Variants in ATP2B4 observed in about 807,000 individuals in gnomAD.
ATP2B4 encodes ATPase plasma membrane Ca2+ transporting 4, also known as plasma membrane calcium-transporting ATPase 4.
A neutral mutation model predicts 110.3 loss-of-function variants in ATP2B4; 39 were observed. The ratio of observed to expected loss-of-function variants is 0.35; its 90% CI spans 0.27 to 0.46. ATP2B4 has a LOEUF of 0.46. Ranked by LOEUF, ATP2B4 falls within the 20% of genes least tolerant of loss-of-function variation. The pLI is 1.00. For missense variants in ATP2B4, 1,135 were observed against 1,530.9 expected, an observed-to-expected ratio of 0.74 and a Z score of 4.32; for synonymous variants, 538 against 571.7, an observed-to-expected ratio of 0.94 and a Z score of 0.84.
At chr1:203,633,911 G>C (rs1404097440) in intron 1 of ATP2B4, among the ~76,000 whole-genome samples, 1 of 151,948 alleles carries the variant, frequency 6.6e-6, no homozygotes, top group Non-Finnish European at 1.5e-5. Context: ...TTAGCCGGGC[G>C]TGGTAGTGCA....
chr1:203,743,029 C>T lies in ATP2B4; in HGVS notation c.*3175C>T, dbSNP rs1022225392. The T allele has an allele frequency of 6.6e-6, 1 of 152,658 alleles. No homozygotes were observed. The allele number at this position is 152,658 out of a possible 1,614,324, so 9.5% of individuals were successfully genotyped here. On this transcript the variant is annotated 3_prime_UTR_variant, in exon 21 of 21. Coordinates refer to ENST00000357681, the MANE Select transcript of ATP2B4 (RefSeq NM_001684.5). ...ATCATCTGTCCTCTGGAATGACTCTCCTGTCCCTAAAGGGGTTAAGAGAGA... is the reference window on the plus strand; with the variant it reads ...ATCATCTGTCCTCTGGAATGACTCTTCTGTCCCTAAAGGGGTTAAGAGAGA...
intron 1 of ATP2B4, among the ~76,000 whole-genome samples, chr1:203,651,518 G>A (rs571863304): frequency 3.9e-5 from 6 of 152,242 alleles, no homozygotes; most frequent in East Asian, 1.9e-4. Context: ...GTCTTGGGCT[G>A]TAATGTTGTA....
intron 1 of ATP2B4, among the ~76,000 whole-genome samples, chr1:203,672,345 T>C (rs1311735306): frequency 9.8e-6 from 1 of 102,136 alleles, no homozygotes; most frequent in Non-Finnish European, 2.4e-5. Context: ...TTTTTTTTTT[T>C]TTTTTTTTTT....
rs775603353 is a variant in ATP2B4, at chr1:203,729,624, T to C, written c.3309+2053T>C. The C allele has an allele frequency of 3.4e-6, 3 of 876,056 alleles. No homozygotes were observed. In the South Asian group the frequency reaches 3.9e-5, roughly 11 times the overall value. The allele number at this position is 876,056 out of a possible 1,614,324, so 54.3% of individuals were successfully genotyped here. A position where few individuals can be genotyped will look rare whatever the true frequency, so the allele number is the denominator to read the frequency against. ...TGACTGTACTTCCAGGCAGGTGCTT[T>C]TTCTGTCTGCCAGAGAAACATTCCA... On this transcript the variant is annotated intron_variant, in intron 20 of 20. Coordinates refer to ENST00000357681, the MANE Select transcript of ATP2B4 (RefSeq NM_001684.5).
Position 203,709,842 on chromosome 1 carries a change from C to T in ATP2B4, c.1799+300C>T, listed in dbSNP as rs74137882. On this transcript the variant is annotated intron_variant, in intron 11 of 20. Transcript: ENST00000357681. ...CTCAAGGTGATACAGCTAATAGTGG[C>T]ACAGCCAGGATTCAGACCTGGACGA... 6.6e-3 allele frequency among the ~76,000 whole-genome samples: 999 copies of T among 152,306 alleles called. 14 individuals carry two copies. Among genetic ancestry groups the T allele is most frequent in the African/African-American group, 0.02 (813 of 41,562 alleles).
chr1:203,691,693 G>C (rs1665380000), intron 2 of ATP2B4, among the ~76,000 whole-genome samples: 2 of 152,094 alleles, frequency 1.3e-5, no homozygotes, highest in South Asian at 4.1e-4. Context: ...AGCAGATAGG[G>C]AGCAAATCTC....
rs567097229 is a variant in ATP2B4, at chr1:203,631,833, C to T, written c.-465+4614C>T. On this transcript the variant is annotated intron_variant, in intron 1 of 20. Transcript: ENST00000357681. Reference sequence around the variant, plus strand: ...TTTTTGAGACAGAGTCTCGCTCTGTCGCCCAGGCTGGAGTGCAGCGGCGCG... The same window carrying T: ...TTTTTGAGACAGAGTCTCGCTCTGTTGCCCAGGCTGGAGTGCAGCGGCGCG... 6.5e-4 allele frequency among the ~76,000 whole-genome samples: 99 copies of T among 152,026 alleles called. 2 individuals are homozygous for T. Among genetic ancestry groups the T allele is most frequent in the South Asian group, 6.2e-4 (3 of 4,814 alleles).
intron 6 of ATP2B4, among the ~76,000 whole-genome samples, chr1:203,701,823 C>T (rs970671713): frequency 2.0e-5 from 3 of 152,208 alleles, no homozygotes; most frequent in African/African-American, 4.8e-5. Context: ...AGTATGCACT[C>T]ACCTACATGA....
chr1:203,711,840 G>A (rs994478765), intron 12 of ATP2B4, 120 bp from the exon 13 acceptor site: 2 of 1,140,894 alleles, frequency 1.8e-6, no homozygotes, highest in Non-Finnish European at 2.5e-6. Context: ...AGCCCATGCT[G>A]CATGGCACCA....
chr1:203,733,400 A>C, intron 20 of ATP2B4: 1 of 1,612,192 alleles, frequency 6.2e-7, no homozygotes, highest in South Asian at 1.1e-5. Flanking sequence ...TCCTATGGGC[A>C]GTGAGTGATA....
chr1:203,732,399 C>G (rs972626423), intron 20 of ATP2B4, among the ~76,000 whole-genome samples: 2 of 152,076 alleles, frequency 1.3e-5, no homozygotes, highest in Non-Finnish European at 2.9e-5. Context: ...GTAGCATTCT[C>G]GATAGTGGGC....
At chr1:203,733,177 G>T in intron 20 of ATP2B4, 2 of 1,558,160 alleles carry the variant, frequency 1.3e-6, no homozygotes, top group Non-Finnish European at 8.7e-7. Context: ...CACCTCTCTC[G>T]GACTGACTGT....
At chr1:203,672,603 G>A (rs982109460) in intron 1 of ATP2B4, among the ~76,000 whole-genome samples, 4 of 152,138 alleles carry the variant, frequency 2.6e-5, no homozygotes, top group African/African-American at 9.7e-5. Flanking sequence ...TGGAGGCGGT[G>A]AGCCTGGTGC....
chr1:203,724,612 G>A (rs191648934), intron 19 of ATP2B4, among the ~76,000 whole-genome samples: 50 of 152,144 alleles, frequency 3.3e-4, no homozygotes, highest in Admixed American at 2.2e-3. Flanking sequence ...ATATAATAAG[G>A]GTCTTAGAAG....
At position 203,683,512 on chromosome 1, in the gene ATP2B4, G is replaced by A. The variant is rs767259287; in HGVS notation, c.193+114G>A. ...CTGGAGGCCCAGCTGGTATATTTTTGTCTGGTGGGAAAGGTATGGCATCTG... is the reference window on the plus strand; with the variant it reads ...CTGGAGGCCCAGCTGGTATATTTTTATCTGGTGGGAAAGGTATGGCATCTG... On this transcript the variant is annotated intron_variant, in intron 2 of 20. Coordinates refer to ENST00000357681, the MANE Select transcript of ATP2B4 (RefSeq NM_001684.5). 257 of 1,138,766 alleles carry A rather than the reference G, an allele frequency of 2.3e-4. 1 individual carries two copies. Among genetic ancestry groups the A allele is most frequent in the Non-Finnish European group, 2.1e-4 (178 of 830,830 alleles). 70.5% of individuals were successfully genotyped at this position (1,138,766 alleles called of 1,614,324 possible).
chr1:203,713,047 TC>T (rs1299526815), intron 13 of ATP2B4, 117 bp from the exon 14 acceptor site: 1 of 1,050,984 alleles, frequency 9.5e-7, no homozygotes, highest in Non-Finnish European at 1.4e-6. Context: ...AATAACACTT[TC>T]ATGTGGGACT....
chr1:203,700,416 C>T, intron 5 of ATP2B4, 85 bp downstream of exon 5: 1 of 1,498,150 alleles, frequency 6.7e-7, no homozygotes, highest in Non-Finnish European at 9.0e-7. Flanking sequence ...TCTCCTCTGA[C>T]TCTGTCCCAT....
chr1:203,671,427 G>A (rs1664657381), intron 1 of ATP2B4, among the ~76,000 whole-genome samples: 1 of 152,060 alleles, frequency 6.6e-6, no homozygotes, highest in Non-Finnish European at 1.5e-5. Context: ...CTCCCAAAGA[G>A]CACGATTATA....
chr1:203,739,481 C>T lies in ATP2B4; in HGVS notation c.3310-65C>T. On this transcript the variant is annotated intron_variant, in intron 20 of 20. Coordinates refer to ENST00000357681, the MANE Select transcript of ATP2B4 (RefSeq NM_001684.5). The stretch of plus-strand genomic sequence containing the variant: ...GTTTCTCTCCTAAATCCACCATCTC[C>T]TTGTTCTGCCGGCCAATTCTCACCT... The T allele has an allele frequency of 2.6e-6, 4 of 1,511,666 alleles. No homozygotes were observed. In the East Asian group the frequency reaches 6.8e-5, roughly 26 times the overall value. 93.6% of individuals were successfully genotyped at this position (1,511,666 alleles called of 1,614,324 possible). A position where few individuals can be genotyped will look rare whatever the true frequency, so the allele number is the denominator to read the frequency against.
Sources: allele counts gnomAD v4.1 joint callset (sites outside exome capture counted in the v4.1 genomes callset), GRCh38; gene constraint gnomAD v4.1.1; transcripts MANE v1.5; gene names NCBI Gene and HGNC (gene_info 2026-07-23, HGNC 2026-07-21).